Variants in TRAPPC9 observed in about 807,000 individuals in gnomAD.
TRAPPC9 encodes the protein trafficking protein particle complex subunit 9.
A neutral mutation model predicts 124.0 loss-of-function variants in TRAPPC9; 83 were observed. The observed-to-expected ratio is 0.67, with a 90% confidence interval of 0.56 to 0.80. The LOEUF is 0.80. TRAPPC9 is among the 30% of genes least tolerant of loss of function. The probability of loss-of-function intolerance (pLI) is 0.00; values close to 1 mark genes in which losing one functional copy is unlikely to be tolerated. For synonymous variants in TRAPPC9, 638 were observed against 617.5 expected (o/e 1.03, Z -0.49); for missense variants, 1,302 against 1,508.3 (o/e 0.86, Z 2.27).
chr8:140,093,352 T>G (rs751959902), intron 17 of TRAPPC9, among the ~76,000 whole-genome samples: 1 of 152,142 alleles, frequency 6.6e-6, no homozygotes, highest in Non-Finnish European at 1.5e-5. Context: ...GAACAAGCTC[T>G]TAAAGTCCAA....
At chr8:140,144,495 CAT>C (rs2061427794) in intron 17 of TRAPPC9, among the ~76,000 whole-genome samples, 1 of 149,838 alleles carries the variant, frequency 6.7e-6, no homozygotes, top group East Asian at 1.9e-4. Context: ...TTCATTCATT[CAT>C]TCATTCATTT....
At chr8:139,791,390 G>A (rs879425043) in intron 21 of TRAPPC9, among the ~76,000 whole-genome samples, 48 of 139,972 alleles carry the variant, frequency 3.4e-4, no homozygotes, top group Non-Finnish European at 6.5e-4. Flanking sequence ...ACAGGTACCC[G>A]TCTCCACTGC....
At chr8:140,223,712 A>G (rs968125583) in intron 16 of TRAPPC9, among the ~76,000 whole-genome samples, 10 of 152,030 alleles carry the variant, frequency 6.6e-5, no homozygotes, top group African/African-American at 9.7e-5. Context: ...ATATGCAATT[A>G]ACCAAGCATA....
At chr8:140,365,897 T>C (rs928761815) in intron 8 of TRAPPC9, among the ~76,000 whole-genome samples, 8 of 152,222 alleles carry the variant, frequency 5.3e-5, no homozygotes, top group Admixed American at 1.3e-4. Context: ...CCATTAGTTA[T>C]TTTTCCTGAT....
chr8:139,904,299 C>G (rs1563909985), intron 20 of TRAPPC9: 1 of 152,262 alleles, frequency 6.6e-6, no homozygotes, highest in Non-Finnish European at 1.5e-5. Flanking sequence ...GAATGAAGTA[C>G]TGGGTGTCAC....
intron 17 of TRAPPC9, among the ~76,000 whole-genome samples, chr8:140,032,078 A>C (rs1024782871): frequency 1.3e-5 from 2 of 152,224 alleles, no homozygotes; most frequent in Non-Finnish European, 2.9e-5. Flanking sequence ...CGCTCCAGCC[A>C]AATTTCACCT....
chr8:140,204,121 C>T (rs2062861636), intron 17 of TRAPPC9, among the ~76,000 whole-genome samples: 1 of 152,034 alleles, frequency 6.6e-6, no homozygotes, highest in Non-Finnish European at 1.5e-5. Context: ...GGTGCCCTCC[C>T]CACAGTAATG....
chr8:140,323,451 T>C (rs769593478), intron 9 of TRAPPC9, among the ~76,000 whole-genome samples: 2 of 152,130 alleles, frequency 1.3e-5, no homozygotes, highest in Admixed American at 6.6e-5. Flanking sequence ...TAAGGGTATC[T>C]GAAAGGGTGG....
At chr8:139,734,876 A>G (rs532628670) in intron 21 of TRAPPC9, among the ~76,000 whole-genome samples, 1 of 152,364 alleles carries the variant, frequency 6.6e-6, no homozygotes, top group African/African-American at 2.4e-5. Flanking sequence ...TTCCTGGAGG[A>G]AAGGACACCT....
At chr8:139,835,301 G>T (rs1050517248) in intron 21 of TRAPPC9, among the ~76,000 whole-genome samples, 3 of 152,202 alleles carry the variant, frequency 2.0e-5, no homozygotes, top group African/African-American at 7.2e-5. Flanking sequence ...ATACTGCGTT[G>T]TGCACACATT....
At chr8:139,876,858 A>C (rs1186281065) in intron 21 of TRAPPC9, among the ~76,000 whole-genome samples, 1 of 152,102 alleles carries the variant, frequency 6.6e-6, no homozygotes, top group Non-Finnish European at 1.5e-5. Context: ...GCTGTCCGCT[A>C]TACTCTCCTA....
chr8:140,408,365 A>G (rs2069572552), intron 5 of TRAPPC9, among the ~76,000 whole-genome samples: 1 of 152,178 alleles, frequency 6.6e-6, no homozygotes, highest in Admixed American at 6.5e-5. Context: ...CACTAAAGAG[A>G]TAGGTACTGA....
intron 21 of TRAPPC9, among the ~76,000 whole-genome samples, chr8:139,869,921 C>T (rs1036781816): frequency 2.6e-5 from 4 of 151,292 alleles, no homozygotes; most frequent in African/African-American, 7.3e-5. Context: ...CAGGGACCAC[C>T]GGAAAATTCA....
intron 7 of TRAPPC9, among the ~76,000 whole-genome samples, chr8:140,374,999 A>G (rs1003104089): frequency 3.9e-5 from 6 of 152,222 alleles, no homozygotes; most frequent in African/African-American, 1.4e-4. Flanking sequence ...ACGGTTCCTT[A>G]ATGGGAAAAG....
intron 17 of TRAPPC9, among the ~76,000 whole-genome samples, chr8:140,194,980 A>G (rs1020110124): frequency 1.3e-5 from 2 of 151,786 alleles, no homozygotes; most frequent in Non-Finnish European, 3.0e-5. Flanking sequence ...CTGTGACACT[A>G]AAACACACTC....
chr8:140,407,810 T>C (rs1220537663), intron 5 of TRAPPC9, among the ~76,000 whole-genome samples: 1 of 152,082 alleles, frequency 6.6e-6, no homozygotes, highest in Non-Finnish European at 1.5e-5. Context: ...TTAGTAGAGA[T>C]GGGGTTTCAC....
intron 19 of TRAPPC9, among the ~76,000 whole-genome samples, chr8:139,948,321 TC>T (rs1834409249): frequency 1.3e-5 from 2 of 150,574 alleles, no homozygotes; most frequent in Non-Finnish European, 2.9e-5. Flanking sequence ...CCTAGCGTGT[TC>T]CCCATGACCC....
intron 9 of TRAPPC9, among the ~76,000 whole-genome samples, chr8:140,342,125 C>T (rs537293589): frequency 6.6e-6 from 1 of 152,322 alleles, no homozygotes; most frequent in African/African-American, 2.4e-5. Context: ...TCTTGGCACT[C>T]TGTGCAGCAG....
At chr8:140,304,615 C>A (rs1335317619) in intron 10 of TRAPPC9, among the ~76,000 whole-genome samples, 1 of 152,166 alleles carries the variant, frequency 6.6e-6, no homozygotes, top group Non-Finnish European at 1.5e-5. Flanking sequence ...TTAACTACTG[C>A]ACACAGATTC....
Sources: allele counts gnomAD v4.1 joint callset (sites outside exome capture counted in the v4.1 genomes callset), GRCh38; gene constraint gnomAD v4.1.1; transcripts MANE v1.5; gene names NCBI Gene and HGNC (gene_info 2026-07-23, HGNC 2026-07-21).